The following TSPAN15 variants were observed in gnomAD, a reference collection of about 807,000 sequenced individuals.
TSPAN15 encodes tetraspanin-15.
Under a neutral mutation model 34.5 loss-of-function variants are expected in TSPAN15, and 20 were observed. The observed-to-expected ratio is 0.58, with a 90% CI of 0.41 to 0.84. TSPAN15 has a LOEUF of 0.84. TSPAN15 is among the 40% of genes least tolerant of loss of function. The pLI, the probability that TSPAN15 is intolerant of heterozygous loss-of-function variation, is 0.00. For missense variants in TSPAN15, 313 were observed against 386.1 expected (o/e 0.81, Z 1.59); for synonymous variants, 155 against 153.9 (o/e 1.01, Z -0.05).
intron 5 of TSPAN15, among the ~76,000 whole-genome samples, chr10:69,503,797 G>A (rs1034574395): frequency 6.6e-6 from 1 of 152,220 alleles, no homozygotes; most frequent in Non-Finnish European, 1.5e-5. Flanking sequence ...AAGTGCCCGC[G>A]GCAGCCTGTG....
chr10:69,483,637 G>T lies in TSPAN15; in HGVS notation c.97-54G>T, dbSNP rs12256348. The T allele has an allele frequency of 0.015, 24,243 of 1,567,346 alleles. 2,479 individuals are homozygous for T. In the African/African-American group the frequency reaches 0.25, roughly 16 times the overall value. On this transcript the variant is annotated intron_variant, in intron 1 of 7. Transcript: ENST00000373290. ...CCACAGCCCCAGATGACTCTTTGCT[G>T]TAGAAAATCAAGTGACCTCAGTCTC...
At chr10:69,508,731 G>T (rs1842384944), downstream of TSPAN15, among the ~76,000 whole-genome samples, 1 of 152,192 alleles carries the variant, frequency 6.6e-6, no homozygotes, top group Admixed American at 6.5e-5. Context: ...CATTTTATTA[G>T]TGGGGAAACT....
At chr10:69,531,820 A>T in the TSPAN15 span, among the ~76,000 whole-genome samples, 1 of 152,168 alleles carries the variant, frequency 6.6e-6, no homozygotes, top group Non-Finnish European at 1.5e-5. Flanking sequence ...CTTTACAATT[A>T]AAACTCAGCA....
chr10:69,504,748 G>A (rs1372679618), intron 6 of TSPAN15, among the ~76,000 whole-genome samples: 3 of 152,148 alleles, frequency 2.0e-5, no homozygotes, highest in East Asian at 1.9e-4. Flanking sequence ...AAGCCACCAC[G>A]GCGCTTCCTG....
At chr10:69,455,148 CA>C (rs60463263) in intron 1 of TSPAN15, among the ~76,000 whole-genome samples, 219 of 82,472 alleles carry the variant, frequency 2.7e-3, no homozygotes, top group East Asian at 9.9e-3. Flanking sequence ...GTGACAGTCT[CA>C]AAAAAAAAAA....
chr10:69,526,341 A>G, the TSPAN15 span, among the ~76,000 whole-genome samples: 1 of 148,546 alleles, frequency 6.7e-6, no homozygotes, highest in Non-Finnish European at 1.5e-5. Flanking sequence ...GTACAACTCA[A>G]TAATAAAAAG....
rs925985442 is a variant in TSPAN15, at chr10:69,463,408, T to C, written c.96+11718T>C. Among the ~76,000 whole-genome samples the C allele has an allele frequency of 2.0e-5, 3 of 152,176 alleles. No homozygotes were observed. In the South Asian group the frequency reaches 6.2e-4, roughly 32 times the overall value. On this transcript the variant is annotated intron_variant, in intron 1 of 7. Transcript: ENST00000373290. ...GGCCAGACAGGGGAGAGGACCTTGC[T>C]TGGGATCATGGTGGTAAGCTAGGGG... is the stretch of plus-strand genomic sequence containing the variant.
At chr10:69,482,975 T>TTG (rs1841769365) in intron 1 of TSPAN15, among the ~76,000 whole-genome samples, 6 of 143,918 alleles carry the variant, frequency 4.2e-5, no homozygotes, top group South Asian at 4.5e-4. Context: ...ATTTTTTTTT[T>TTG]TTGTTGTTGT....
chr10:69,461,181 C>G (rs908564876), intron 1 of TSPAN15, among the ~76,000 whole-genome samples: 1 of 152,158 alleles, frequency 6.6e-6, no homozygotes, highest in Non-Finnish European at 1.5e-5. Flanking sequence ...TGTGCCTTGT[C>G]CCATTTTATA....
At chr10:69,518,172 T>C in the TSPAN15 span, among the ~76,000 whole-genome samples, 1 of 152,244 alleles carries the variant, frequency 6.6e-6, no homozygotes, top group Non-Finnish European at 1.5e-5. Flanking sequence ...GACTTCAATT[T>C]GCATTGAACG....
chr10:69,484,521 C>T (rs879762214), intron 2 of TSPAN15, among the ~76,000 whole-genome samples: 2 of 152,228 alleles, frequency 1.3e-5, no homozygotes, highest in Non-Finnish European at 2.9e-5. Flanking sequence ...CAGATCCATT[C>T]ACTCTGCACT....
At chr10:69,494,421 C>T (rs1352508223) in intron 3 of TSPAN15, among the ~76,000 whole-genome samples, 1 of 152,222 alleles carries the variant, frequency 6.6e-6, no homozygotes, top group Non-Finnish European at 1.5e-5. Flanking sequence ...CTCACAACAT[C>T]CCTATGAGGC....
In TSPAN15 at chr10:69,506,859, A is replaced by G; in HGVS notation, c.766A>G (p.Ile256Val). 3 of 1,596,530 alleles carry G rather than the reference A, an allele frequency of 1.9e-6. No individual in the cohort carries two copies. The highest frequency in any genetic ancestry group is 1.7e-6 in the Non-Finnish European group (2 of 1,172,000). The change falls in exon 8 of 8, where the codon ATC becomes GTC. Residue 256 changes from isoleucine to valine, a missense_variant. By Grantham distance (29) the Ile-to-Val change is conservative (BLOSUM62 3). Transcript: ENST00000373290. The surrounding 1 kb of genome is among the most constrained non-coding windows in gnomAD (Gnocchi z 4.7). ...FLGVLLTLLY[I>V]TRVEDIIMEH... ...GGGGGTGCTGCTGACGCTGCTGTACATCACCCGGGTGGAGGACATCATCAT... is the reference window on the plus strand; with the variant it reads ...GGGGGTGCTGCTGACGCTGCTGTACGTCACCCGGGTGGAGGACATCATCAT...
intron 1 of TSPAN15, among the ~76,000 whole-genome samples, chr10:69,470,409 G>T (rs1450849409): frequency 2.6e-5 from 4 of 152,156 alleles, no homozygotes; most frequent in Admixed American, 6.5e-5. Flanking sequence ...TAATCTGAAT[G>T]TGAGACTCCC....
chr10:69,507,863 G>T (rs992829198), downstream of TSPAN15, among the ~76,000 whole-genome samples: 1 of 151,518 alleles, frequency 6.6e-6, no homozygotes, highest in African/African-American at 2.4e-5. Flanking sequence ...ACCGAGAACC[G>T]AGGGAAACAG....
chr10:69,507,059 TGCGGCCCC>T lies in TSPAN15; in HGVS notation c.*82_*89del. 1 of 1,553,406 alleles carries T rather than the reference TGCGGCCCC, an allele frequency of 6.4e-7. No individual in the cohort carries two copies. The highest frequency in any genetic ancestry group is 8.7e-7 in the Non-Finnish European group (1 of 1,150,808). On this transcript the variant is annotated 3_prime_UTR_variant, in exon 8 of 8. Transcript: ENST00000373290. ...TCAACATCGTGGGGCTGGACAGGGC[TGCGGCCCC>T]TCTGCCCACACTCAGTACTGACCAA...
Position 69,483,739 on chromosome 10 carries a change from C to T in TSPAN15, c.145C>T (p.Arg49Trp), listed in dbSNP as rs746223760. Reference protein sequence around the residue: ...LSVGIYAEVERQKYKTLESAF... With the variant: ...LSVGIYAEVEWQKYKTLESAF... ...TGTGGGCATCTATGCAGAGGTTGAG[C>T]GGCAGAAATATAAAACCCTTGAAAG... is the stretch of plus-strand genomic sequence containing the variant. Residue 49 changes from arginine to tryptophan, a missense_variant, in exon 2 of 8, where the codon CGG becomes TGG. Coordinates refer to ENST00000373290, the MANE Select transcript of TSPAN15 (RefSeq NM_012339.5). 1.6e-5 allele frequency: 26 copies of T among 1,614,136 alleles called. No individual in the cohort carries two copies. The highest frequency in any genetic ancestry group is 1.8e-5 in the Non-Finnish European group (21 of 1,180,022).
the TSPAN15 span, among the ~76,000 whole-genome samples, chr10:69,527,826 C>G: frequency 6.8e-6 from 1 of 147,502 alleles, no homozygotes; most frequent in African/African-American, 2.5e-5. Flanking sequence ...TTGCTTGGGA[C>G]TGTGGGTGGG....
downstream of TSPAN15, among the ~76,000 whole-genome samples, chr10:69,508,440 C>CAAAAAAAA (rs71009229): frequency 1.4e-4 from 9 of 62,174 alleles, no homozygotes; most frequent in African/African-American, 4.8e-4. Flanking sequence ...GACTCCATCT[C>CAAAAAAAA]AAAAAAAAAA....
Sources: allele counts gnomAD v4.1 joint callset (sites outside exome capture counted in the v4.1 genomes callset), GRCh38; gene constraint gnomAD v4.1.1; non-coding constraint Gnocchi (gnomAD v3.1); transcripts MANE v1.5; gene names NCBI Gene and HGNC (gene_info 2026-07-23, HGNC 2026-07-21).